The following PRKN variants were observed in gnomAD, a reference collection of about 807,000 sequenced individuals.
The protein encoded by PRKN is E3 ubiquitin-protein ligase parkin.
A neutral mutation model predicts 59.5 loss-of-function variants in PRKN; 56 were observed. The ratio of observed to expected loss-of-function variants is 0.94; its 90% CI spans 0.76 to 1.18. The LOEUF is 1.18. Among genes scored for constraint, PRKN ranks in the 50% most tolerant of loss-of-function variants. The probability of loss-of-function intolerance (pLI) is 0.00; values close to 1 mark genes in which losing one functional copy is unlikely to be tolerated. For missense variants in PRKN, 657 were observed against 596.4 expected (o/e 1.10, Z -1.06); for synonymous variants, 250 against 222.1 (o/e 1.13, Z -1.12).
At chr6:162,619,312 T>C (rs982819566) in intron 1 of PRKN, among the ~76,000 whole-genome samples, 1 of 70,396 alleles carries the variant, frequency 1.4e-5, no homozygotes, top group African/African-American at 1.0e-4. Context: ...CCGGCTAATT[T>C]TTAATTTTTT....
intron 2 of PRKN, among the ~76,000 whole-genome samples, chr6:162,272,948 C>T (rs1042879408): frequency 3.4e-4 from 49 of 143,838 alleles, no homozygotes; most frequent in African/African-American, 1.2e-3. Flanking sequence ...TGCAGTGAGC[C>T]TAGATCGGGC....
Position 161,369,733 on chromosome 6 carries a change from A to T in PRKN, c.1168-9528T>A, listed in dbSNP as rs1408644391. Among the ~76,000 whole-genome samples the T allele has an allele frequency of 1.3e-5, 2 of 152,132 alleles. No individual in the cohort carries two copies. Among genetic ancestry groups the T allele is most frequent in the Non-Finnish European group, 2.9e-5 (2 of 68,016 alleles). ...CTCCTAATATACTTCATGGCTGAAAATAGCGATTTCATAAATATATATATG... is the reference window on the plus strand; with the variant it reads ...CTCCTAATATACTTCATGGCTGAAATTAGCGATTTCATAAATATATATATG... On this transcript the variant is annotated intron_variant, in intron 10 of 11. Coordinates refer to ENST00000366898, the MANE Select transcript of PRKN (RefSeq NM_004562.3). This position sits in a 1 kb window ranked among gnomAD's most constrained non-coding sequence, Gnocchi z 5.8.
At chr6:161,587,761 C>T (rs139480667) in intron 7 of PRKN, among the ~76,000 whole-genome samples, 41 of 152,086 alleles carry the variant, frequency 2.7e-4, no homozygotes, top group Non-Finnish European at 4.0e-4. Context: ...CAATATACAC[C>T]GAACCCAATG....
At chr6:161,432,320 G>A (rs1284398829) in intron 9 of PRKN, among the ~76,000 whole-genome samples, 5 of 149,422 alleles carry the variant, frequency 3.3e-5, no homozygotes, top group Non-Finnish European at 3.0e-5. Flanking sequence ...ACACATGTTA[G>A]CATATTTTTA....
chr6:162,727,260 C>A (rs749979754), intron 1 of PRKN: 1 of 211,852 alleles, frequency 4.7e-6, no homozygotes, highest in Non-Finnish European at 9.0e-6. Flanking sequence ...TCCTGAACCG[C>A]ACCACAACCG....
At chr6:162,717,012 G>A (rs1778755696) in intron 1 of PRKN, among the ~76,000 whole-genome samples, 2 of 152,184 alleles carry the variant, frequency 1.3e-5, no homozygotes, top group African/African-American at 4.8e-5. Context: ...ATGACAAAAG[G>A]GACTTTGCAG....
intron 1 of PRKN, among the ~76,000 whole-genome samples, chr6:162,633,102 C>T (rs979233541): frequency 1.3e-5 from 2 of 151,768 alleles, no homozygotes; most frequent in African/African-American, 4.8e-5. Context: ...TTCCTTACAA[C>T]CTAGATGAGC....
At chr6:162,574,679 T>C (rs35988208) in intron 1 of PRKN, among the ~76,000 whole-genome samples, 33,896 of 135,954 alleles carry the variant, frequency 0.25, 4,549 homozygotes, top group African/African-American at 0.39. Flanking sequence ...ATAAGATTGC[T>C]ATCCCCCAAA....
intron 6 of PRKN, among the ~76,000 whole-genome samples, chr6:161,941,164 C>G (rs765590923): frequency 6.6e-6 from 1 of 152,192 alleles, no homozygotes; most frequent in African/African-American, 2.4e-5. Context: ...TTTTCATTTT[C>G]CTGCCCCAAT....
At chr6:161,746,979 A>T (rs1311155792) in intron 7 of PRKN, among the ~76,000 whole-genome samples, 1 of 151,992 alleles carries the variant, frequency 6.6e-6, no homozygotes, top group Non-Finnish European at 1.5e-5. Flanking sequence ...TAAATGCCCA[A>T]TTATCTGTTG....
chr6:161,568,796 C>G (rs549857616), intron 8 of PRKN, among the ~76,000 whole-genome samples: 3 of 152,140 alleles, frequency 2.0e-5, no homozygotes, highest in Admixed American at 2.0e-4. Context: ...ATTTAGCACC[C>G]TGAATTATTT....
chr6:162,072,830 T>C (rs935344096), intron 4 of PRKN, among the ~76,000 whole-genome samples: 1 of 152,208 alleles, frequency 6.6e-6, no homozygotes, highest in Non-Finnish European at 1.5e-5. Flanking sequence ...ACAGGACTGA[T>C]AGTTAAATGA....
chr6:161,692,193 C>A (rs140625949), intron 7 of PRKN, among the ~76,000 whole-genome samples: 1 of 151,932 alleles, frequency 6.6e-6, no homozygotes, highest in East Asian at 1.9e-4. Context: ...GTTGTGGGAG[C>A]GCTACTTTAA....
chr6:162,117,208 G>T (rs1448100163), intron 4 of PRKN, among the ~76,000 whole-genome samples: 1 of 152,186 alleles, frequency 6.6e-6, no homozygotes, highest in African/African-American at 2.4e-5. Context: ...AATGAAGAAT[G>T]ATTTTAAATC....
intron 7 of PRKN, among the ~76,000 whole-genome samples, chr6:161,643,036 G>A (rs1001889776): frequency 6.6e-6 from 1 of 152,166 alleles, no homozygotes; most frequent in South Asian, 2.1e-4. Flanking sequence ...AATGCAATCT[G>A]AAGTCAGAAT....
At chr6:161,809,779 C>A (rs1791486741) in intron 6 of PRKN, among the ~76,000 whole-genome samples, 2 of 152,140 alleles carry the variant, frequency 1.3e-5, no homozygotes, top group Non-Finnish European at 2.9e-5. Flanking sequence ...ACATCATCAA[C>A]AGAATGTAAG....
At chr6:162,142,338 C>T (rs1039247250) in intron 4 of PRKN, among the ~76,000 whole-genome samples, 1 of 152,174 alleles carries the variant, frequency 6.6e-6, no homozygotes, top group African/African-American at 2.4e-5. Flanking sequence ...GACTTCCTGG[C>T]TCCACATCCT....
At chr6:161,648,601 C>T (rs1784042755) in intron 7 of PRKN, among the ~76,000 whole-genome samples, 2 of 152,206 alleles carry the variant, frequency 1.3e-5, no homozygotes, top group East Asian at 1.9e-4. Context: ...TAAATCACCT[C>T]CTCTCCAGTT....
intron 7 of PRKN, among the ~76,000 whole-genome samples, chr6:161,604,559 T>C (rs1388385299): frequency 6.6e-6 from 1 of 152,188 alleles, no homozygotes; most frequent in African/African-American, 2.4e-5. Context: ...TGCAGCATGG[T>C]TGCTCAACTT....
Sources: gnomAD v4.1 joint callset for allele counts (sites outside exome capture counted in the v4.1 genomes callset) on GRCh38, gnomAD v4.1.1 for gene constraint, Gnocchi (gnomAD v3.1) non-coding constraint, MANE v1.5 for transcripts, NCBI Gene and HGNC (gene_info 2026-07-23, HGNC 2026-07-21) for gene names.